EDARADD: variants seen among roughly 807,000 people sequenced by gnomAD.
The protein encoded by EDARADD is EDAR associated via death domain, also known as ectodysplasin-A receptor-associated adapter protein.
Under a neutral mutation model 25.6 loss-of-function variants are expected in EDARADD, and 20 were observed. The ratio of observed to expected loss-of-function variants is 0.78; its 90% CI spans 0.55 to 1.14. EDARADD has a LOEUF of 1.14. Ranked by LOEUF, EDARADD falls within the 50% of genes most tolerant of loss-of-function variation. The pLI is 0.00. For synonymous variants in EDARADD, 86 were observed against 94.4 expected (o/e 0.91, Z 0.52); for missense variants, 225 against 270.1 (o/e 0.83, Z 1.17).
upstream of EDARADD, among the ~76,000 whole-genome samples, chr1:236,393,342 T>G (rs1204036909): frequency 6.6e-6 from 1 of 151,930 alleles, no homozygotes; most frequent in Non-Finnish European, 1.5e-5. Context: ...AGTGTTTGGG[T>G]ACTATCGGGA....
chr1:236,466,991 C>T (rs987251570), intron 4 of EDARADD, among the ~76,000 whole-genome samples: 9 of 152,002 alleles, frequency 5.9e-5, no homozygotes, highest in African/African-American at 1.7e-4. Flanking sequence ...GGCGTGAACC[C>T]AGGAGGCGGA....
intron 3 of EDARADD, among the ~76,000 whole-genome samples, chr1:236,362,993 A>G (rs1374268144): frequency 7.7e-4 from 66 of 85,374 alleles, no homozygotes; most frequent in Non-Finnish European, 1.1e-3. Context: ...TTAAGAAAAA[A>G]AAAAAAAAAA....
intron 4 of EDARADD, among the ~76,000 whole-genome samples, chr1:236,462,429 G>T (rs1011349806): frequency 6.6e-6 from 1 of 151,796 alleles, no homozygotes; most frequent in Non-Finnish European, 1.5e-5. Flanking sequence ...CGGTGCAGGA[G>T]CTCAGTCCAA....
intron 3 of EDARADD, among the ~76,000 whole-genome samples, chr1:236,368,780 T>G (rs550564419): frequency 6.6e-6 from 1 of 152,274 alleles, no homozygotes; most frequent in South Asian, 2.1e-4. Context: ...CTCTTGTTAG[T>G]CTTGTGAACT....
chr1:236,405,898 T>C (rs1391878901), intron 1 of EDARADD, among the ~76,000 whole-genome samples: 894 of 45,134 alleles, frequency 0.02, 6 homozygotes, highest in African/African-American at 0.061. Flanking sequence ...TCTTTCTTTC[T>C]TTCTTTCTTT....
At chr1:236,401,187 TAAA>T (rs368351602) in intron 1 of EDARADD, among the ~76,000 whole-genome samples, 1 of 132,670 alleles carries the variant, frequency 7.5e-6, no homozygotes, top group Non-Finnish European at 1.7e-5. Context: ...CTGTCTCAAA[TAAA>T]AAAAAAAAAG....
chr1:236,458,787 G>A (rs1571948372), intron 4 of EDARADD, among the ~76,000 whole-genome samples: 1 of 151,638 alleles, frequency 6.6e-6, no homozygotes, highest in South Asian at 2.1e-4. Flanking sequence ...GGGATTACAG[G>A]CCCCTGCCAT....
intron 4 of EDARADD, among the ~76,000 whole-genome samples, chr1:236,466,005 A>G (rs2103034342): frequency 6.6e-6 from 1 of 152,342 alleles, no homozygotes; most frequent in Middle Eastern, 3.4e-3. Flanking sequence ...ATTATGAGAA[A>G]TCAAGTCAAA....
At chr1:236,477,177 C>T (rs1659532985) in intron 5 of EDARADD, among the ~76,000 whole-genome samples, 1 of 150,498 alleles carries the variant, frequency 6.6e-6, no homozygotes, top group African/African-American at 2.4e-5. Context: ...ATTTATTATA[C>T]ATGATTTACA....
chr1:236,362,371 C>G (rs1250770373), intron 3 of EDARADD, among the ~76,000 whole-genome samples: 1 of 152,156 alleles, frequency 6.6e-6, no homozygotes, highest in African/African-American at 2.4e-5. Context: ...CTGCCTAGAT[C>G]TTTAGCCTAG....
chr1:236,403,212 T>C (rs964997762), intron 1 of EDARADD, among the ~76,000 whole-genome samples: 1 of 152,198 alleles, frequency 6.6e-6, no homozygotes, highest in Admixed American at 6.5e-5. Context: ...CGCCTTGGCC[T>C]CCCAAAGTGC....
At chr1:236,388,459 G>T (rs1572121227) in intron 3 of EDARADD, among the ~76,000 whole-genome samples, 1 of 152,274 alleles carries the variant, frequency 6.6e-6, no homozygotes, top group Middle Eastern at 3.4e-3. Flanking sequence ...TGAATCTGTA[G>T]ATTAATTAAG....
At chr1:236,361,614 G>C (rs1278751119) in intron 3 of EDARADD, among the ~76,000 whole-genome samples, 1 of 113,508 alleles carries the variant, frequency 8.8e-6, no homozygotes, top group Admixed American at 9.2e-5. Flanking sequence ...ACAGACGTGA[G>C]CCACCACGCA....
chr1:236,400,254 G>T (rs906839662), intron 1 of EDARADD, among the ~76,000 whole-genome samples: 2 of 151,968 alleles, frequency 1.3e-5, no homozygotes, highest in African/African-American at 4.8e-5. Context: ...CTCTTTGTTT[G>T]CTGTCTTCCC....
Position 236,409,215 on chromosome 1 carries a change from G to A in EDARADD, c.62-1G>A. 6.2e-7 allele frequency: 1 copy of A among 1,610,618 alleles called. No homozygotes were observed. The highest frequency in any genetic ancestry group is 8.5e-7 in the Non-Finnish European group (1 of 1,178,360). ...TTTGTTTGTTTTTGTTCTTTTTACAGATCATATGGTAAAGGAACCAGTGGA... is the reference window on the plus strand; with the variant it reads ...TTTGTTTGTTTTTGTTCTTTTTACAAATCATATGGTAAAGGAACCAGTGGA... On this transcript the variant is annotated splice_acceptor_variant, in intron 1 of 5. Coordinates refer to ENST00000334232, the MANE Select transcript of EDARADD (RefSeq NM_145861.4). LOFTEE classifies it high-confidence loss of function.
At chr1:236,399,037 A>G (rs1667568900) in intron 1 of EDARADD, among the ~76,000 whole-genome samples, 1 of 152,154 alleles carries the variant, frequency 6.6e-6, no homozygotes, top group Admixed American at 6.5e-5. Flanking sequence ...CTCTTCCCGT[A>G]TTGGCATTTT....
chr1:236,435,323 A>C (rs1571933147), intron 4 of EDARADD, among the ~76,000 whole-genome samples: 2 of 152,370 alleles, frequency 1.3e-5, no homozygotes, highest in South Asian at 4.1e-4. Flanking sequence ...ATCCTAGTTC[A>C]TAGTCACATG....
At chr1:236,377,236 A>G (rs940492897) in intron 3 of EDARADD, among the ~76,000 whole-genome samples, 8 of 150,716 alleles carry the variant, frequency 5.3e-5, no homozygotes, top group Middle Eastern at 3.5e-3. Flanking sequence ...GTTCACTGCA[A>G]CCTCCACCTC....
At chr1:236,466,074 A>C (rs1281879698) in intron 4 of EDARADD, among the ~76,000 whole-genome samples, 3 of 152,210 alleles carry the variant, frequency 2.0e-5, no homozygotes, top group African/African-American at 4.8e-5. Context: ...AGGAACCTCA[A>C]ATACCACAAA....
Sources: gnomAD v4.1 joint callset for allele counts (sites outside exome capture counted in the v4.1 genomes callset) on GRCh38, gnomAD v4.1.1 for gene constraint, MANE v1.5 for transcripts, NCBI Gene and HGNC (gene_info 2026-07-23, HGNC 2026-07-21) for gene names.